ZNF540: variants seen among roughly 807,000 people sequenced by gnomAD.
ZNF540 encodes zinc finger protein 540, also known as CTD-3064H18.6.
ZNF540 carries 3 observed loss-of-function variants against 11.8 expected under a neutral mutation model. The ratio of observed to expected loss-of-function variants is 0.25; its 90% CI spans 0.12 to 0.65. ZNF540 has a LOEUF of 0.65. Ranked by LOEUF, ZNF540 falls within the 30% of genes least tolerant of loss-of-function variation. ZNF540 has a pLI of 0.83. For missense variants in ZNF540, 709 were observed against 793.1 expected (o/e 0.89, Z 1.27); for synonymous variants, 247 against 259.0 (o/e 0.95, Z 0.45).
chr19:37,554,330 C>T (rs1025676048), intron 1 of ZNF540, among the ~76,000 whole-genome samples: 1 of 152,168 alleles, frequency 6.6e-6, no homozygotes, highest in Non-Finnish European at 1.5e-5. Flanking sequence ...TTCTTTTTTC[C>T]CTGAGGCTTT....
chr19:37,575,346 CAG>C (rs1253154105), intron 1 of ZNF540: 3 of 152,172 alleles, frequency 2.0e-5, no homozygotes, highest in African/African-American at 7.2e-5. Context: ...AAATTACAAA[CAG>C]TGCTTAACCC....
At chr19:37,554,802 A>G (rs1038805442) in intron 1 of ZNF540, 2 of 152,236 alleles carry the variant, frequency 1.3e-5, no homozygotes, top group Admixed American at 6.5e-5. Context: ...GAGTCCATTT[A>G]TTAGCTGGCG....
In ZNF540 at chr19:37,612,414, A is replaced by G; in HGVS notation, c.1134A>G (p.Ala378=). ...TTACTGAACACAGAAGAACTCATGCAGGTAAGAAACCTTATGAATGTAAGG... is the reference window on the plus strand; with the variant it reads ...TTACTGAACACAGAAGAACTCATGCGGGTAAGAAACCTTATGAATGTAAGG... ...FYLTEHRRTH[A]GKKPYECKEC... is the part of the protein sequence containing the mutation. Residue 378 remains alanine, a synonymous_variant, in exon 5 of 5, where the codon GCA becomes GCG. Coordinates refer to ENST00000316433, the MANE Select transcript of ZNF540 (RefSeq NM_001172225.3). The G allele has an allele frequency of 6.2e-7, 1 of 1,613,896 alleles. No homozygotes were observed. The highest frequency in any genetic ancestry group is 8.5e-7 in the Non-Finnish European group (1 of 1,179,962).
chr19:37,591,895 T>C (rs1394670167), upstream of ZNF540, among the ~76,000 whole-genome samples: 2 of 152,172 alleles, frequency 1.3e-5, no homozygotes, highest in African/African-American at 4.8e-5. Context: ...AGTTCTTATA[T>C]ATAGAAGAAC....
intron 1 of ZNF540, chr19:37,566,120 T>A: frequency 6.2e-7 from 1 of 1,614,090 alleles, no homozygotes; most frequent in Non-Finnish European, 8.5e-7. Flanking sequence ...AAGCCCTTCC[T>A]GACTTGCTTC....
At chr19:37,568,532 T>C (rs1475314773) in intron 1 of ZNF540, among the ~76,000 whole-genome samples, 1 of 152,202 alleles carries the variant, frequency 6.6e-6, no homozygotes, top group Non-Finnish European at 1.5e-5. Flanking sequence ...TAGCTACCTA[T>C]GTGCTAGTGC....
Position 37,569,238 on chromosome 19 carries a change from T to A in ZNF540, c.-73+17573T>A, listed in dbSNP as rs2042973984. On this transcript the variant is annotated intron_variant, in intron 1 of 4. Transcript: ENST00000592533. This position sits in a 1 kb window ranked among gnomAD's most constrained non-coding sequence, Gnocchi z 4.4. Reference sequence around the variant, plus strand: ...ACAGCACTAGGATTACAGGCATGAGTCACTGCGCCTGGCCCCAAAGCATCC... The same window carrying A: ...ACAGCACTAGGATTACAGGCATGAGACACTGCGCCTGGCCCCAAAGCATCC... Among the ~76,000 whole-genome samples, 1 of 151,958 alleles carries A rather than the reference T, an allele frequency of 6.6e-6. No homozygotes were observed. Among genetic ancestry groups the A allele is most frequent in the Non-Finnish European group, 1.5e-5 (1 of 67,982 alleles).
At chr19:37,605,122 C>T (rs1035800915) in intron 4 of ZNF540, among the ~76,000 whole-genome samples, 3 of 152,122 alleles carry the variant, frequency 2.0e-5, no homozygotes, top group Admixed American at 6.5e-5. Context: ...TTTGTTACCT[C>T]GGGTTAAACA....
At chr19:37,559,783 T>C (rs2042698041) in intron 1 of ZNF540, among the ~76,000 whole-genome samples, 1 of 152,220 alleles carries the variant, frequency 6.6e-6, no homozygotes, top group African/African-American at 2.4e-5. Context: ...GGGTACACTG[T>C]ACTATTTTAT....
chr19:37,565,730 A>C, intron 1 of ZNF540: 2 of 1,613,942 alleles, frequency 1.2e-6, no homozygotes, highest in South Asian at 2.2e-5. Flanking sequence ...TGAACCACGA[A>C]TAAAAGCTTT....
chr19:37,593,185 T>C (rs746206085), upstream of ZNF540, among the ~76,000 whole-genome samples: 1 of 152,164 alleles, frequency 6.6e-6, no homozygotes, highest in Non-Finnish European at 1.5e-5. Context: ...ATGTCCTTTT[T>C]GGTAATATAT....
intron 1 of ZNF540, among the ~76,000 whole-genome samples, chr19:37,577,205 A>T (rs1350402446): frequency 6.6e-6 from 1 of 152,092 alleles, no homozygotes; most frequent in East Asian, 1.9e-4. Context: ...ACCTTTCATC[A>T]CCCTCCTCAA....
intron 1 of ZNF540, chr19:37,564,248 T>G (rs746979170): frequency 2.1e-4 from 35 of 166,876 alleles, no homozygotes; most frequent in Non-Finnish European, 4.3e-4. Flanking sequence ...ACAACAAATA[T>G]CAGATGCTAT....
intron 1 of ZNF540, among the ~76,000 whole-genome samples, chr19:37,588,933 C>A (rs2043776950): frequency 1.3e-5 from 2 of 152,058 alleles, no homozygotes; most frequent in Non-Finnish European, 2.9e-5. Context: ...GGAGTGGTGG[C>A]TCATGCCTGT....
intron 1 of ZNF540, chr19:37,564,653 C>A: frequency 1.3e-6 from 2 of 1,598,628 alleles, no homozygotes; most frequent in Non-Finnish European, 1.7e-6. Context: ...AAAGTCTTTA[C>A]CACACTGGAC....
At chr19:37,561,083 A>G (rs1030251906) in intron 1 of ZNF540, among the ~76,000 whole-genome samples, 5 of 150,742 alleles carry the variant, frequency 3.3e-5, no homozygotes, top group Non-Finnish European at 7.4e-5. Flanking sequence ...AAGAAAGAAA[A>G]AATTTAAATT....
chr19:37,584,151 A>AATGAGAAGAAAATGG (rs1429242387), intron 1 of ZNF540: 7 of 1,609,210 alleles, frequency 4.3e-6, no homozygotes, highest in Non-Finnish European at 5.9e-6. Flanking sequence ...TCTGAAGTGA[A>AATGAGAAGAAAATGG]ATGAGAAGAA....
At chr19:37,580,444 CTTGAT>C (rs2043414881) in intron 1 of ZNF540, among the ~76,000 whole-genome samples, 1 of 152,204 alleles carries the variant, frequency 6.6e-6, no homozygotes, top group Non-Finnish European at 1.5e-5. Flanking sequence ...ACAACATTTT[CTTGAT>C]TTATCAGGCA....
At chr19:37,589,864 CA>C (rs60136941), upstream of ZNF540, among the ~76,000 whole-genome samples, 205 of 29,524 alleles carry the variant, frequency 6.9e-3, no homozygotes, top group African/African-American at 0.025. Flanking sequence ...GACTCCATCT[CA>C]AAAAAAAAAA....
Sources: gnomAD v4.1 joint callset for allele counts (sites outside exome capture counted in the v4.1 genomes callset) on GRCh38, gnomAD v4.1.1 for gene constraint, Gnocchi (gnomAD v3.1) non-coding constraint, MANE v1.5 for transcripts, NCBI Gene and HGNC (gene_info 2026-07-23, HGNC 2026-07-21) for gene names.